The following LINGO2 variants were observed in gnomAD, a reference collection of about 807,000 sequenced individuals.
LINGO2 encodes the protein leucine-rich repeat and immunoglobulin-like domain-containing nogo receptor-interacting protein 2.
LINGO2 carries 14 observed loss-of-function variants against 30.6 expected under a neutral mutation model. The ratio of observed to expected loss-of-function variants is 0.46; its 90% CI spans 0.30 to 0.72. LINGO2 has a LOEUF of 0.72. Ranked by LOEUF, LINGO2 falls within the 30% of genes least tolerant of loss-of-function variation. LINGO2 has a pLI of 0.07. For synonymous variants in LINGO2, 317 were observed against 288.5 expected (o/e 1.10, Z -1.00); for missense variants, 729 against 751.7 (o/e 0.97, Z 0.35).
chr9:28,226,756 C>T (rs991659839), intron 4 of LINGO2, among the ~76,000 whole-genome samples: 1 of 151,778 alleles, frequency 6.6e-6, no homozygotes, highest in Non-Finnish European at 1.5e-5. Flanking sequence ...CCAGTGCATC[C>T]CTTGGATCCA....
intron 3 of LINGO2, among the ~76,000 whole-genome samples, chr9:28,353,663 A>T (rs2134458972): frequency 6.6e-6 from 1 of 152,308 alleles, no homozygotes. Flanking sequence ...ATATATACCC[A>T]GAGGACTATA....
chr9:28,361,995 T>G (rs2134511164), intron 3 of LINGO2, among the ~76,000 whole-genome samples: 1 of 152,330 alleles, frequency 6.6e-6, no homozygotes, highest in Non-Finnish European at 1.5e-5. Context: ...AGGCCATTGT[T>G]TCTCCAAAGG....
chr9:28,588,466 T>A (rs913085204), intron 1 of LINGO2, among the ~76,000 whole-genome samples: 1 of 151,770 alleles, frequency 6.6e-6, no homozygotes, highest in African/African-American at 2.4e-5. Context: ...AGACATGAAG[T>A]CCTATACCAT....
At chr9:28,598,418 C>CAAAAA (rs766825127) in intron 1 of LINGO2, among the ~76,000 whole-genome samples, 36 of 108,952 alleles carry the variant, frequency 3.3e-4, no homozygotes, top group Admixed American at 1.4e-3. Context: ...TTCTCCATAT[C>CAAAAA]AAAAAAAAAA....
At chr9:28,226,540 A>T (rs972816463) in intron 4 of LINGO2, among the ~76,000 whole-genome samples, 3 of 151,782 alleles carry the variant, frequency 2.0e-5, no homozygotes, top group Admixed American at 2.0e-4. Flanking sequence ...TAAGAAGAGA[A>T]ATAGAACACA....
intron 4 of LINGO2, among the ~76,000 whole-genome samples, chr9:28,177,276 C>T (rs1021482136): frequency 9.9e-5 from 15 of 152,124 alleles, no homozygotes; most frequent in Non-Finnish European, 1.5e-4. Flanking sequence ...TTAGATATAA[C>T]TAGCTTGTCC....
chr9:28,528,576 T>A (rs1216151586), intron 1 of LINGO2, among the ~76,000 whole-genome samples: 2 of 152,144 alleles, frequency 1.3e-5, no homozygotes, highest in Non-Finnish European at 2.9e-5. Flanking sequence ...ACATTTTGTA[T>A]TGGGAATGTA....
intron 1 of LINGO2, among the ~76,000 whole-genome samples, chr9:28,620,597 T>C (rs1320026149): frequency 6.6e-6 from 1 of 152,040 alleles, no homozygotes; most frequent in Non-Finnish European, 1.5e-5. Context: ...GTTTGCTAGA[T>C]GGGCTATTAT....
At chr9:29,050,628 C>T in the LINGO2 span, among the ~76,000 whole-genome samples, 1 of 152,154 alleles carries the variant, frequency 6.6e-6, no homozygotes, top group African/African-American at 2.4e-5. Flanking sequence ...GCACTTGAAA[C>T]ATCATAAGGT....
the LINGO2 span, among the ~76,000 whole-genome samples, chr9:29,079,630 T>C: frequency 6.9e-6 from 1 of 144,172 alleles, no homozygotes; most frequent in Admixed American, 6.9e-5. Context: ...ATAATCTAGG[T>C]TAAAGAAATC....
intron 5 of LINGO2, among the ~76,000 whole-genome samples, chr9:27,967,124 T>A (rs1368565398): frequency 6.6e-6 from 1 of 152,192 alleles, no homozygotes; most frequent in African/African-American, 2.4e-5. Context: ...ACAAGATAGC[T>A]GTCTTAAATC....
chr9:28,765,145 C>A, the LINGO2 span, among the ~76,000 whole-genome samples: 1 of 151,836 alleles, frequency 6.6e-6, no homozygotes, highest in African/African-American at 2.4e-5. Flanking sequence ...TAAAAACAAT[C>A]TTAAAATGCA....
the LINGO2 span, among the ~76,000 whole-genome samples, chr9:28,915,601 T>C: frequency 2.0e-5 from 3 of 152,174 alleles, no homozygotes; most frequent in African/African-American, 7.2e-5. Context: ...TGAAATAGAC[T>C]TGTGTATTAA....
intron 4 of LINGO2, among the ~76,000 whole-genome samples, chr9:28,067,082 C>T (rs1363060583): frequency 1.3e-5 from 2 of 152,010 alleles, no homozygotes; most frequent in Admixed American, 1.3e-4. Context: ...AACTCTGGTC[C>T]TCTTATTTTA....
At chr9:28,051,919 CAATAA>C (rs1447007212) in intron 4 of LINGO2, among the ~76,000 whole-genome samples, 1 of 151,928 alleles carries the variant, frequency 6.6e-6, no homozygotes, top group Non-Finnish European at 1.5e-5. Context: ...TTATACCTAA[CAATAA>C]AAAACACAGA....
At chr9:28,634,768 GAGCCAC>G (rs1827178275) in intron 1 of LINGO2, among the ~76,000 whole-genome samples, 1 of 152,046 alleles carries the variant, frequency 6.6e-6, no homozygotes, top group Non-Finnish European at 1.5e-5. Context: ...TTACAGGCAT[GAGCCAC>G]CGCACCCGGC....
the LINGO2 span, among the ~76,000 whole-genome samples, chr9:28,712,212 A>G: frequency 6.6e-6 from 1 of 152,182 alleles, no homozygotes; most frequent in African/African-American, 2.4e-5. Context: ...ACACATTTAT[A>G]TCGCTATAGA....
chr9:28,722,155 C>A, the LINGO2 span, among the ~76,000 whole-genome samples: 2 of 151,876 alleles, frequency 1.3e-5, no homozygotes, highest in African/African-American at 2.4e-5. Context: ...ATGACATAAA[C>A]ATGTAAAAAG....
At chr9:28,126,477 T>A (rs1167974725) in intron 4 of LINGO2, among the ~76,000 whole-genome samples, 1 of 152,178 alleles carries the variant, frequency 6.6e-6, no homozygotes, top group Non-Finnish European at 1.5e-5. Flanking sequence ...CCAAACGAAC[T>A]GATGTTGCTG....
Sources: gnomAD v4.1 joint callset for allele counts (sites outside exome capture counted in the v4.1 genomes callset) on GRCh38, gnomAD v4.1.1 for gene constraint, MANE v1.5 for transcripts, NCBI Gene and HGNC (gene_info 2026-07-23, HGNC 2026-07-21) for gene names.